Variants in TVP23C observed in about 807,000 individuals in gnomAD.
TVP23C encodes the protein Golgi apparatus membrane protein TVP23 homolog C.
A neutral mutation model predicts 28.7 loss-of-function variants in TVP23C; 19 were observed. The ratio of observed to expected loss-of-function variants is 0.66; its 90% CI spans 0.46 to 0.97. TVP23C has a LOEUF of 0.97. Among genes scored for constraint, TVP23C ranks in the 50% least tolerant of loss-of-function variants. The pLI is 0.00. For synonymous variants in TVP23C, 68 were observed against 81.7 expected, an observed-to-expected ratio of 0.83 and a Z score of 0.90; for missense variants, 186 against 241.3, an observed-to-expected ratio of 0.77 and a Z score of 1.52.
chr17:15,534,067 A>G (rs1358508320), downstream of TVP23C, among the ~76,000 whole-genome samples: 2 of 152,222 alleles, frequency 1.3e-5, no homozygotes, highest in Non-Finnish European at 2.9e-5. Flanking sequence ...TCAACAGAAT[A>G]TAATAGCCTA....
At chr17:15,506,584 CT>C (rs1368913378) in intron 5 of TVP23C, among the ~76,000 whole-genome samples, 9 of 152,210 alleles carry the variant, frequency 5.9e-5, no homozygotes, top group African/African-American at 2.2e-4. Context: ...ACTGCGGAAG[CT>C]TTGTTCTTTT....
chr17:15,515,051 C>T (rs1982164995), intron 5 of TVP23C, among the ~76,000 whole-genome samples: 1 of 152,076 alleles, frequency 6.6e-6, no homozygotes, highest in East Asian at 1.9e-4. Context: ...CTTTGGGGTA[C>T]CGGAAACACA....
At chr17:15,507,708 G>A (rs940309533) in intron 5 of TVP23C, among the ~76,000 whole-genome samples, 5 of 152,006 alleles carry the variant, frequency 3.3e-5, no homozygotes, top group East Asian at 3.9e-4. Context: ...GTCTGGTGGC[G>A]GGTGCCTGTA....
intron 5 of TVP23C, among the ~76,000 whole-genome samples, chr17:15,509,922 C>A (rs1306374438): frequency 6.6e-6 from 1 of 152,192 alleles, no homozygotes; most frequent in African/African-American, 2.4e-5. Flanking sequence ...TATATTTCAA[C>A]AAACCTAAGA....
In TVP23C at chr17:15,509,242, G is replaced by A. The variant is rs527702080; in HGVS notation, c.463-6010C>T. Among the ~76,000 whole-genome samples the A allele has an allele frequency of 2.6e-5, 4 of 152,240 alleles. No individual in the cohort carries two copies. The South Asian group carries it at 6.2e-4, about 24-fold the overall frequency. On this transcript the variant is annotated intron_variant, in intron 5 of 5. Transcript: ENST00000225576. ...AACACAACCTCTAACAGAGGGAGGC[G>A]CCTGGCACCAACCAACCAGTCAGAA...
chr17:15,536,452 A>G (rs1359016886), downstream of TVP23C, among the ~76,000 whole-genome samples: 4 of 152,216 alleles, frequency 2.6e-5, no homozygotes, highest in African/African-American at 9.7e-5. Context: ...AAGATACAGC[A>G]ATAAAATCTA....
chr17:15,520,201 T>TCG (rs1982414452), intron 5 of TVP23C, among the ~76,000 whole-genome samples: 1 of 151,270 alleles, frequency 6.6e-6, no homozygotes, highest in South Asian at 2.1e-4. Flanking sequence ...TGTCCTAAAC[T>TCG]CTGTCTTTCA....
At chr17:15,553,999 C>T (rs1479049145) in intron 2 of TVP23C, among the ~76,000 whole-genome samples, 170 bp from the exon 3 acceptor site, 1 of 152,114 alleles carries the variant, frequency 6.6e-6, no homozygotes, top group Non-Finnish European at 1.5e-5. Context: ...TTCTTAAGCC[C>T]CACTATTTGA....
chr17:15,507,308 C>G (rs1981798136), intron 5 of TVP23C: 1 of 760,294 alleles, frequency 1.3e-6, no homozygotes, highest in African/African-American at 1.7e-5. Context: ...CCAGGAATGG[C>G]AAGACCAGCA....
At chr17:15,513,520 C>T (rs1597506274) in intron 5 of TVP23C, among the ~76,000 whole-genome samples, 1 of 152,180 alleles carries the variant, frequency 6.6e-6, no homozygotes, top group Admixed American at 6.5e-5. Context: ...GTCCTAGCGT[C>T]GATAGCAAGG....
chr17:15,503,039 G>A (rs780073905), exon 6 of TVP23C: 7 of 1,613,900 alleles, frequency 4.3e-6, no homozygotes, highest in South Asian at 1.1e-5. Flanking sequence ...ACTAAGGCGG[G>A]GCGCAGGTTT....
intron 5 of TVP23C, among the ~76,000 whole-genome samples, chr17:15,509,609 T>G (rs1210028637): frequency 1.3e-5 from 2 of 152,210 alleles, no homozygotes; most frequent in Non-Finnish European, 2.9e-5. Flanking sequence ...CACCTGTAGT[T>G]CCAGCAATTT....
intron 5 of TVP23C, among the ~76,000 whole-genome samples, chr17:15,515,357 T>C (rs564133862): frequency 3.9e-5 from 6 of 152,274 alleles, no homozygotes; most frequent in Admixed American, 6.5e-5. Flanking sequence ...GGAATCCTCA[T>C]GTAAGCGTCT....
intron 1 of TVP23C, among the ~76,000 whole-genome samples, chr17:15,561,118 C>A (rs533590133): frequency 1.3e-5 from 2 of 152,160 alleles, no homozygotes; most frequent in East Asian, 3.9e-4. Context: ...AATTGTCTTC[C>A]GACGGCTTCC....
chr17:15,539,382 C>A lies in TVP23C; in HGVS notation c.*1030G>T, dbSNP rs536556092. ...CAGCACTTTGGGAGGCGGAGGCAGG[C>A]GGATCACGAGGTCAGGAGATCGAGA... On this transcript the variant is annotated 3_prime_UTR_variant, in exon 6 of 6. Transcript: ENST00000518321. The A allele has an allele frequency of 5.1e-6, 4 of 782,352 alleles. No homozygotes were observed. Among genetic ancestry groups the A allele is most frequent in the South Asian group, 5.8e-5 (1 of 17,342 alleles). The allele number at this position is 782,352 out of a possible 1,614,324, so 48.5% of individuals were successfully genotyped here.
chr17:15,509,049 A>G (rs1434901569), intron 5 of TVP23C, among the ~76,000 whole-genome samples: 2 of 152,274 alleles, frequency 1.3e-5, no homozygotes, highest in East Asian at 3.8e-4. Flanking sequence ...ATTAGTAAAT[A>G]AATATGCAGT....
chr17:15,540,694 A>C (rs1983374922), intron 5 of TVP23C, 133 bp from the exon 6 acceptor site: 1 of 608,702 alleles, frequency 1.6e-6, no homozygotes, highest in Non-Finnish European at 3.0e-6. Flanking sequence ...TGATTGTGCC[A>C]GTTGAGATTT....
intron 5 of TVP23C, chr17:15,507,383 G>A: frequency 1.5e-6 from 1 of 655,334 alleles, no homozygotes. Context: ...CTTAACCACT[G>A]GACCATTCCT....
chr17:15,512,766 C>G (rs529805691), intron 5 of TVP23C, among the ~76,000 whole-genome samples: 1 of 152,268 alleles, frequency 6.6e-6, no homozygotes, highest in South Asian at 2.1e-4. Flanking sequence ...CTAAAGCAGC[C>G]ATTGTATTTC....
Sources: allele counts gnomAD v4.1 joint callset (sites outside exome capture counted in the v4.1 genomes callset), GRCh38; gene constraint gnomAD v4.1.1; transcripts MANE v1.5; gene names NCBI Gene and HGNC (gene_info 2026-07-23, HGNC 2026-07-21).